SCARA3: variants seen among roughly 807,000 people sequenced by gnomAD.
SCARA3 encodes cellular stress response gene protein.
SCARA3 carries 39 observed loss-of-function variants against 47.0 expected under a neutral mutation model. That is an observed-to-expected ratio of 0.83 (90% CI 0.64 to 1.08). The LOEUF (loss-of-function observed/expected upper bound fraction) is 1.08, where lower values mean the gene tolerates loss of function less well. Ranked by LOEUF, SCARA3 falls within the 50% of genes least tolerant of loss-of-function variation. The pLI is 0.00. For missense variants in SCARA3, 724 were observed against 792.3 expected (o/e 0.91, Z 1.04); for synonymous variants, 356 against 334.1 (o/e 1.07, Z -0.71).
At chr8:27,714,283 C>A in the SCARA3 span, among the ~76,000 whole-genome samples, 1 of 150,394 alleles carries the variant, frequency 6.6e-6, no homozygotes, top group East Asian at 2.0e-4. Flanking sequence ...GCAACCTCCG[C>A]CTCCCTGGTT....
the SCARA3 span, among the ~76,000 whole-genome samples, chr8:27,718,593 G>A: frequency 7.0e-4 from 107 of 152,244 alleles, no homozygotes; most frequent in African/African-American, 2.5e-3. Context: ...TTGGGGATGG[G>A]GAAGTATTTA....
chr8:27,662,623 A>G (rs369146675), intron 5 of SCARA3, among the ~76,000 whole-genome samples: 3 of 152,222 alleles, frequency 2.0e-5, no homozygotes, highest in African/African-American at 2.4e-5. Context: ...TGCCCTTTCC[A>G]TGATGGAAAT....
rs1388932591 is a variant in SCARA3 at position 27,659,244 on chromosome 8, C to T, written c.1074C>T (p.Gly358=). ...GRMASHEIEI[G]TIFTNINATD... ...TGGCTTCTCACGAGATTGAAATTGG[C>T]ACCATCTTCACCAACATCAATGCCA... The change falls in exon 5 of 6, where the codon GGC becomes GGT. Residue 358 remains glycine (G), a synonymous_variant. Transcript: ENST00000301904. 1 of 1,614,086 alleles carries T rather than the reference C, an allele frequency of 6.2e-7. No homozygotes were observed. Among genetic ancestry groups the T allele is most frequent in the Non-Finnish European group, 8.5e-7 (1 of 1,180,044 alleles).
At chr8:27,732,190 T>C in the SCARA3 span, among the ~76,000 whole-genome samples, 2 of 152,180 alleles carry the variant, frequency 1.3e-5, no homozygotes, top group Admixed American at 6.5e-5. Context: ...CAAGATGGGA[T>C]TGATGTTGGA....
intron 4 of SCARA3, 85 bp downstream of exon 4, chr8:27,656,965 C>G: frequency 1.2e-6 from 1 of 844,316 alleles, no homozygotes; most frequent in East Asian, 2.5e-5. Flanking sequence ...GCCCCAGCAC[C>G]AAGCAACCTT....
At chr8:27,686,542 CA>C in the SCARA3 span, among the ~76,000 whole-genome samples, 2 of 152,082 alleles carry the variant, frequency 1.3e-5, no homozygotes, top group African/African-American at 4.8e-5. Flanking sequence ...AAGGAGGACA[CA>C]AGGCTTCCCT....
the SCARA3 span, among the ~76,000 whole-genome samples, chr8:27,710,572 T>A: frequency 6.6e-6 from 1 of 152,178 alleles, no homozygotes; most frequent in Non-Finnish European, 1.5e-5. Context: ...TTCAACTGCC[T>A]CATTGCCACT....
intron 1 of SCARA3, among the ~76,000 whole-genome samples, chr8:27,649,246 C>T (rs975403115): frequency 6.6e-6 from 1 of 152,198 alleles, no homozygotes; most frequent in African/African-American, 2.4e-5. Flanking sequence ...CTCTGGCCTC[C>T]TCCTGGCTAT....
chr8:27,659,216 G>T lies in SCARA3; in HGVS notation c.1046G>T (p.Arg349Leu), dbSNP rs770196500. 15 of 1,614,014 alleles carry T rather than the reference G, an allele frequency of 9.3e-6. No homozygotes were observed. In the African/African-American group the frequency reaches 9.3e-5, roughly 10 times the overall value. ...GAGAGGTTTGAGTCTCTGGAAGGAC[G>T]CATGGCTTCTCACGAGATTGAAATT... ...TVERFESLEG[R>L]MASHEIEIGT... is the part of the protein sequence containing the mutation. The change falls in exon 5 of 6, where the codon CGC becomes CTC. Residue 349 changes from arginine to leucine, a missense_variant. Coordinates refer to ENST00000301904, the MANE Select transcript of SCARA3 (RefSeq NM_016240.3).
At chr8:27,651,464 TG>T in intron 2 of SCARA3, 43 bp from the exon 3 acceptor site, 1 of 1,599,954 alleles carries the variant, frequency 6.3e-7, no homozygotes, top group South Asian at 1.1e-5. Context: ...AGCTCCAACC[TG>T]GGCCCCTGGC....
chr8:27,666,646 A>T (rs1221838008), intron 5 of SCARA3, among the ~76,000 whole-genome samples: 1 of 152,142 alleles, frequency 6.6e-6, no homozygotes, highest in Non-Finnish European at 1.5e-5. Context: ...CTCCCACGGC[A>T]CCAGGCCAGT....
downstream of SCARA3, among the ~76,000 whole-genome samples, chr8:27,677,541 T>C (rs80175050): frequency 2.7e-3 from 416 of 152,314 alleles, 7 homozygotes; most frequent in African/African-American, 9.5e-3. Flanking sequence ...AGAAAATCGA[T>C]AGCTTAAAAG....
At chr8:27,712,577 A>G in the SCARA3 span, among the ~76,000 whole-genome samples, 1 of 151,488 alleles carries the variant, frequency 6.6e-6, no homozygotes, top group Admixed American at 6.6e-5. Context: ...AAAAAAAAAA[A>G]AAAAGATTCT....
intron 3 of SCARA3, 121 bp downstream of exon 3, chr8:27,651,748 T>C (rs919969004): frequency 4.5e-6 from 6 of 1,320,250 alleles, no homozygotes; most frequent in Non-Finnish European, 6.2e-6. Flanking sequence ...AGAGCCAGCA[T>C]CTTCCTGGCT....
the SCARA3 span, among the ~76,000 whole-genome samples, chr8:27,696,578 T>C: frequency 6.6e-6 from 1 of 151,142 alleles, no homozygotes; most frequent in Non-Finnish European, 1.5e-5. Context: ...GCCTCCTAAG[T>C]AGCTAGGACT....
chr8:27,679,717 G>T (rs1360439009), downstream of SCARA3: 2 of 152,178 alleles, frequency 1.3e-5, no homozygotes, highest in Non-Finnish European at 2.9e-5. Flanking sequence ...CATGTGCTGA[G>T]CCATAAGGTA....
intron 4 of SCARA3, among the ~76,000 whole-genome samples, chr8:27,657,275 C>A (rs1238985984): frequency 6.6e-6 from 1 of 150,790 alleles, no homozygotes. Context: ...TTTCTTTTTT[C>A]TTTTTTTTTA....
At chr8:27,698,883 A>C in the SCARA3 span, among the ~76,000 whole-genome samples, 1 of 152,082 alleles carries the variant, frequency 6.6e-6, no homozygotes, top group Non-Finnish European at 1.5e-5. Context: ...ATATATATAT[A>C]GTGGTATCTA....
the SCARA3 span, among the ~76,000 whole-genome samples, chr8:27,725,504 C>A: frequency 2.0e-5 from 3 of 147,648 alleles, no homozygotes; most frequent in East Asian, 6.0e-4. Context: ...AAGTTCTATA[C>A]CATGGTCCAA....
Sources: allele counts gnomAD v4.1 joint callset (sites outside exome capture counted in the v4.1 genomes callset), GRCh38; gene constraint gnomAD v4.1.1; transcripts MANE v1.5; gene names NCBI Gene and HGNC (gene_info 2026-07-23, HGNC 2026-07-21).